The following LRP6 variants were observed in gnomAD, a reference collection of about 807,000 sequenced individuals.
LRP6 encodes LDL receptor related protein 6, also known as low-density lipoprotein receptor-related protein 6.
Under a neutral mutation model 184.1 loss-of-function variants are expected in LRP6, and 43 were observed. That is an observed-to-expected ratio of 0.23 (90% CI 0.18 to 0.30). LRP6 has a LOEUF of 0.30. LRP6 is among the 10% of genes least tolerant of loss of function. The pLI, the probability that LRP6 is intolerant of heterozygous loss-of-function variation, is 1.00. For missense variants in LRP6, 1,571 were observed against 2,005.3 expected (o/e 0.78, Z 4.14); for synonymous variants, 719 against 684.9 (o/e 1.05, Z -0.78).
intron 7 of LRP6, among the ~76,000 whole-genome samples, chr12:12,169,390 T>C (rs952689209): frequency 1.3e-5 from 2 of 152,142 alleles, no homozygotes. Flanking sequence ...GAATTGCAGA[T>C]AAAGGATTAT....
At chr12:12,141,965 T>C (rs899472807) in intron 15 of LRP6, among the ~76,000 whole-genome samples, 2 of 152,184 alleles carry the variant, frequency 1.3e-5, no homozygotes, top group Non-Finnish European at 1.5e-5. Flanking sequence ...GAAAGAAAAT[T>C]CACACGTGTA....
chr12:12,168,898 G>A (rs957866011), intron 7 of LRP6, among the ~76,000 whole-genome samples: 1 of 151,738 alleles, frequency 6.6e-6, no homozygotes, highest in Non-Finnish European at 1.5e-5. Context: ...TTGGGTTCAG[G>A]GCAGCACTAT....
At chr12:12,235,445 T>C (rs1156264861) in intron 2 of LRP6, among the ~76,000 whole-genome samples, 5 of 151,908 alleles carry the variant, frequency 3.3e-5, no homozygotes, top group Admixed American at 2.0e-4. Flanking sequence ...TAAAAGAAAA[T>C]ACAGCCGGGA....
intron 2 of LRP6, among the ~76,000 whole-genome samples, chr12:12,207,682 G>A (rs374324596): frequency 6.6e-6 from 1 of 152,094 alleles, no homozygotes; most frequent in Non-Finnish European, 1.5e-5. Context: ...AGCCTTAAGT[G>A]GATATTCATG....
chr12:12,264,863 C>CT (rs1865716854), intron 1 of LRP6, among the ~76,000 whole-genome samples: 1 of 152,222 alleles, frequency 6.6e-6, no homozygotes, highest in Admixed American at 6.5e-5. Context: ...CTTCTGAAAA[C>CT]TTTGCTAGTG....
chr12:12,155,723 G>C, intron 12 of LRP6: 2 of 1,055,086 alleles, frequency 1.9e-6, no homozygotes, highest in Non-Finnish European at 3.0e-6. Context: ...AGAACCAGTG[G>C]GAAGGAGCCT....
At chr12:12,176,844 T>A (rs1863196412) in intron 7 of LRP6, among the ~76,000 whole-genome samples, 1 of 4,802 alleles carries the variant, frequency 2.1e-4, no homozygotes, top group Non-Finnish European at 3.7e-4. Flanking sequence ...GAGCCCAAAC[T>A]TTTTTTTTTT....
chr12:12,185,209 A>C (rs567194401), intron 4 of LRP6, among the ~76,000 whole-genome samples: 1 of 152,224 alleles, frequency 6.6e-6, no homozygotes, highest in Admixed American at 6.5e-5. Context: ...TGAGGTGGAA[A>C]GATCACTTGA....
chr12:12,165,676 CATCTT>C (rs1218464695), intron 7 of LRP6, among the ~76,000 whole-genome samples: 1 of 152,090 alleles, frequency 6.6e-6, no homozygotes. Context: ...TGTTTTATAA[CATCTT>C]TTATTTTATC....
intron 2 of LRP6, among the ~76,000 whole-genome samples, chr12:12,203,768 A>AAAAC (rs888176079): frequency 3.9e-5 from 6 of 152,286 alleles, no homozygotes; most frequent in East Asian, 1.9e-4. Context: ...CTCTGTCTCA[A>AAAAC]AAACAAACAA....
Position 12,126,862 on chromosome 12 carries a change from T to G in LRP6, c.4141A>C (p.Ile1381Leu), listed in dbSNP as rs1273095477. The change falls in exon 20 of 23, where the codon ATT (isoleucine) becomes CTT (leucine). Residue 1381 changes from isoleucine to leucine, a missense_variant. Around this residue, in one of 4 missense-constraint regions of LRP6, gnomAD observed 763 missense variants for 859.5 expected, o/e 0.89. Transcript: ENST00000261349. Reference sequence around the variant, plus strand: ...GTTCCAGACACAAAAATGGTGACAATTACGCCAATAACAGAACCAACTGTA... The same window carrying G: ...GTTCCAGACACAAAAATGGTGACAAGTACGCCAATAACAGAACCAACTGTA... ...TNTVGSVIGV[I>L]VTIFVSGTVY... 11 of 1,614,134 alleles carry G rather than the reference T, an allele frequency of 6.8e-6. No individual in the cohort carries two copies. Among genetic ancestry groups the G allele is most frequent in the Non-Finnish European group, 9.3e-6 (11 of 1,180,002 alleles).
rs758891001 is a variant in LRP6 at position 12,162,227 on chromosome 12, T to A, written c.2245A>T (p.Ser749Cys). 2 of 1,614,084 alleles carry A rather than the reference T, an allele frequency of 1.2e-6. No homozygotes were observed. Among genetic ancestry groups the A allele is most frequent in the Admixed American group, 3.3e-5 (2 of 60,004 alleles). Reference sequence around the variant, plus strand: ...GGGTCCAACGCGAGAGCTCTGGGACTATCTAGGTCTTTCCACACCAAAACT... The same window carrying A: ...GGGTCCAACGCGAGAGCTCTGGGACAATCTAGGTCTTTCCACACCAAAACT... ...RQVLVWKDLD[S>C]PRALALDPAE... The change falls in exon 10 of 23, where the codon AGT becomes TGT. Residue 749 changes from serine (S) to cysteine (C), a missense_variant. Ser to Cys is a moderately radical substitution (Grantham distance 112, BLOSUM62 -1). Coordinates refer to ENST00000261349, the MANE Select transcript of LRP6 (RefSeq NM_002336.3).
At position 12,148,977 on chromosome 12, in the gene LRP6, G is replaced by C; in HGVS notation, c.3171C>G (p.Asp1057Glu). The change falls in exon 14 of 23, where the codon GAC becomes GAG. Residue 1057 changes from aspartate to glutamate, a missense_variant. By Grantham distance (45) the Asp-to-Glu change is conservative. Coordinates refer to ENST00000261349, the MANE Select transcript of LRP6 (RefSeq NM_002336.3). The part of the protein sequence containing the change: ...SVGVVLKGEQ[D>E]RPRAVVVNPE... ...GGTTTACCACAACGGCTCGAGGTCT[G>C]TCCTGCTCGCCTTTCAGCACCACTC... 6.2e-7 allele frequency: 1 copy of C among 1,613,772 alleles called. No homozygotes were observed. The highest frequency in any genetic ancestry group is 8.5e-7 in the Non-Finnish European group (1 of 1,179,934).
In LRP6 at chr12:12,121,133, G is replaced by A. The variant is rs931344233; in HGVS notation, c.4835C>T (p.Ser1612Phe). The A allele has an allele frequency of 8.1e-6, 13 of 1,601,612 alleles. No homozygotes were observed. The highest frequency in any genetic ancestry group is 1.7e-5 in the Admixed American group (1 of 59,408). Residue 1612 changes from serine (S) to phenylalanine (F), a missense_variant, in exon 23 of 23, where the codon TCC becomes TTC. Physicochemically the swap from Ser to Phe is radical, Grantham distance 155. This residue lies in a region of LRP6 where 763 missense variants were observed against 859.5 expected (regional missense o/e 0.89). Coordinates refer to ENST00000261349, the MANE Select transcript of LRP6 (RefSeq NM_002336.3). ...YPPPPSPCTD[S>F]S is the part of the protein sequence containing the mutation. ...GAGGAGGAGGGCCCCTCCTCAGGAG[G>A]AGTCTGTACAGGGAGAGGGTGGCGG...
intron 20 of LRP6, among the ~76,000 whole-genome samples, chr12:12,126,390 TTCACTA>T (rs1949671417): frequency 6.6e-6 from 1 of 152,210 alleles, no homozygotes; most frequent in African/African-American, 2.4e-5. Flanking sequence ...TTACAACTCT[TTCACTA>T]AATGACTGGC....
chr12:12,223,401 T>A (rs1461557602), intron 2 of LRP6, among the ~76,000 whole-genome samples: 1 of 152,186 alleles, frequency 6.6e-6, no homozygotes. Context: ...GGTAGAACCA[T>A]ACCGCACATA....
chr12:12,235,001 G>C lies in LRP6; in HGVS notation c.449+9261C>G, dbSNP rs565930844. ...AGGGTGGGGAAAGACTGGAAAAAAG[G>C]GGGTAGGAGATGGGACTAGGATAGA... On this transcript the variant is annotated intron_variant, in intron 2 of 22. Transcript: ENST00000261349. Among the ~76,000 whole-genome samples, 12 of 152,236 alleles carry C rather than the reference G, an allele frequency of 7.9e-5. 1 individual carries two copies. The South Asian group carries it at 1.9e-3, about 24-fold the overall frequency.
Position 12,149,012 on chromosome 12 carries a change from T to C in LRP6, c.3136A>G (p.Arg1046Gly). 1 of 1,614,004 alleles carries C rather than the reference T, an allele frequency of 6.2e-7. No individual in the cohort carries two copies. Among genetic ancestry groups the C allele is most frequent in the Non-Finnish European group, 8.5e-7 (1 of 1,179,998 alleles). ...CCTTTCAGCACCACTCCAACTGATCTCCCATCTAATCTTGTCACATTAATG... is the reference window on the plus strand; with the variant it reads ...CCTTTCAGCACCACTCCAACTGATCCCCCATCTAATCTTGTCACATTAATG... ...NVINVTRLDG[R>G]SVGVVLKGEQ... Residue 1046 changes from arginine to glycine, a missense_variant, in exon 14 of 23, where the codon AGA becomes GGA. Physicochemically the swap from Arg to Gly is moderately radical, Grantham distance 125. Around this residue, in one of 4 missense-constraint regions of LRP6, gnomAD observed 763 missense variants for 859.5 expected, o/e 0.89. Coordinates refer to ENST00000261349, the MANE Select transcript of LRP6 (RefSeq NM_002336.3).
At chr12:12,242,847 G>T (rs1865099420) in intron 2 of LRP6, among the ~76,000 whole-genome samples, 1 of 152,066 alleles carries the variant, frequency 6.6e-6, no homozygotes, top group Admixed American at 6.6e-5. Context: ...AGTCAAATCA[G>T]TCTTCTCATT....
Sources: allele counts gnomAD v4.1 joint callset (sites outside exome capture counted in the v4.1 genomes callset), GRCh38; gene constraint gnomAD v4.1.1; regional missense constraint gnomAD v4.1.1; transcripts MANE v1.5; gene names NCBI Gene and HGNC (gene_info 2026-07-23, HGNC 2026-07-21).